PKHD1: variants seen among roughly 807,000 people sequenced by gnomAD.
PKHD1 encodes fibrocystin.
Under a neutral mutation model 412.0 loss-of-function variants are expected in PKHD1, and 291 were observed. The observed-to-expected ratio is 0.71, with a 90% CI of 0.64 to 0.78. The LOEUF (loss-of-function observed/expected upper bound fraction) is 0.78, where lower values mean the gene tolerates loss of function less well. PKHD1 is among the 30% of genes least tolerant of loss of function. The probability of loss-of-function intolerance (pLI) is 0.00; values close to 1 mark genes in which losing one functional copy is unlikely to be tolerated. For missense variants in PKHD1, 4,825 were observed against 4,950.7 expected, an observed-to-expected ratio of 0.97 and a Z score of 0.76; for synonymous variants, 1,777 against 1,821.5, an observed-to-expected ratio of 0.98 and a Z score of 0.62.
intron 60 of PKHD1, among the ~76,000 whole-genome samples, chr6:51,707,377 G>T (rs546228694): frequency 6.6e-6 from 1 of 152,206 alleles, no homozygotes; most frequent in South Asian, 2.1e-4. Context: ...TCCCATACCA[G>T]GTGAACAGAG....
chr6:52,063,959 ACT>A (rs1470796904), intron 13 of PKHD1, among the ~76,000 whole-genome samples: 1 of 151,936 alleles, frequency 6.6e-6, no homozygotes, highest in Non-Finnish European at 1.5e-5. Context: ...AAGGGAGCAG[ACT>A]CTCTATTTCC....
intron 57 of PKHD1, among the ~76,000 whole-genome samples, chr6:51,749,859 T>C (rs1245350800): frequency 6.6e-6 from 1 of 152,218 alleles, no homozygotes; most frequent in Non-Finnish European, 1.5e-5. Context: ...AATAATTAGT[T>C]GTGTGTCCTT....
intron 27 of PKHD1, among the ~76,000 whole-genome samples, chr6:52,038,330 G>C (rs372069933): frequency 6.6e-6 from 1 of 150,566 alleles, no homozygotes; most frequent in African/African-American, 2.4e-5. Flanking sequence ...AGCTGAGATC[G>C]CACCACTGCA....
chr6:51,924,316 A>G (rs1000891336), intron 37 of PKHD1, among the ~76,000 whole-genome samples: 1 of 152,222 alleles, frequency 6.6e-6, no homozygotes, highest in African/African-American at 2.4e-5. Context: ...CACATTAACC[A>G]TTTAGTAACC....
rs564731075 is a variant in PKHD1, at chr6:51,948,342, G to A, written c.5908+11528C>T. On this transcript the variant is annotated intron_variant, in intron 36 of 66. Transcript: ENST00000371117. ...AACCTTACAGCGTTGGTTCTCTCTG[G>A]CCCCATCTGCCTCTGCTCTCCCCCT... Among the ~76,000 whole-genome samples, 109 of 151,988 alleles carry A rather than the reference G, an allele frequency of 7.2e-4. 5 individuals carry two copies. In the South Asian group the frequency reaches 0.022, roughly 31 times the overall value.
At chr6:51,678,820 T>TTTTA (rs748393690) in intron 60 of PKHD1, among the ~76,000 whole-genome samples, 10 of 152,102 alleles carry the variant, frequency 6.6e-5, no homozygotes, top group South Asian at 2.1e-4. Context: ...TTAATGTTAA[T>TTTTA]TTTATTTATT....
intron 41 of PKHD1, among the ~76,000 whole-genome samples, chr6:51,904,790 T>C (rs1781829279): frequency 6.6e-6 from 1 of 152,210 alleles, no homozygotes; most frequent in Admixed American, 6.5e-5. Flanking sequence ...TTCCACATAA[T>C]TGTTTTCTGC....
chr6:51,888,803 C>T (rs183055537), intron 43 of PKHD1, among the ~76,000 whole-genome samples: 137 of 149,186 alleles, frequency 9.2e-4, no homozygotes, highest in African/African-American at 3.3e-3. Flanking sequence ...CAGTGTCACA[C>T]GCTCACATCT....
intron 52 of PKHD1, among the ~76,000 whole-genome samples, chr6:51,826,515 G>A (rs114411116): frequency 0.024 from 3,628 of 152,250 alleles, 94 homozygotes; most frequent in South Asian, 0.061. Context: ...AAGCTAGAGG[G>A]ATCTTTTGCC....
At chr6:51,691,360 A>C (rs1234960477) in intron 60 of PKHD1, among the ~76,000 whole-genome samples, 1 of 152,124 alleles carries the variant, frequency 6.6e-6, no homozygotes, top group Non-Finnish European at 1.5e-5. Context: ...GCATGAATAT[A>C]TTTGTTGCAG....
At chr6:51,941,303 C>G (rs868441295) in intron 36 of PKHD1, among the ~76,000 whole-genome samples, 3 of 120,462 alleles carry the variant, frequency 2.5e-5, no homozygotes, top group African/African-American at 9.3e-5. Context: ...GGCCGGACTG[C>G]GGACTGCAGT....
At position 52,035,645 on chromosome 6, in the gene PKHD1, G is replaced by A. The variant is rs773742186; in HGVS notation, c.3174C>T (p.Ala1058=). The A allele has an allele frequency of 1.2e-6, 2 of 1,613,894 alleles. No individual in the cohort carries two copies. The highest frequency in any genetic ancestry group is 1.7e-6 in the Non-Finnish European group (2 of 1,179,868). The change falls in exon 28 of 67, where the codon GCC becomes GCT. Residue 1058 remains alanine (A), a synonymous_variant. Coordinates refer to ENST00000371117, the MANE Select transcript of PKHD1 (RefSeq NM_138694.4). ...TTGAATTGCTTGTAGCGACATTGAT[G>A]GCACACGAGTAAGATCCAAATAATA... is the stretch of plus-strand genomic sequence containing the variant. ...SLILFGSYSC[A]INVATSNSSR...
At chr6:51,833,083 C>G (rs1768554142) in intron 51 of PKHD1, among the ~76,000 whole-genome samples, 2 of 152,132 alleles carry the variant, frequency 1.3e-5, no homozygotes, top group African/African-American at 4.8e-5. Flanking sequence ...GGGTATTTGT[C>G]AGGGTGACCC....
intron 66 of PKHD1, among the ~76,000 whole-genome samples, chr6:51,624,818 T>A (rs1324570861): frequency 2.0e-5 from 3 of 152,298 alleles, no homozygotes; most frequent in African/African-American, 7.2e-5. Context: ...ATTAGTTCTC[T>A]TACTTGAGGC....
intron 63 of PKHD1, among the ~76,000 whole-genome samples, chr6:51,643,977 A>C (rs1769734963): frequency 6.6e-6 from 1 of 152,162 alleles, no homozygotes; most frequent in Non-Finnish European, 1.5e-5. Flanking sequence ...TCAAAATAGT[A>C]GAAAGTCAAA....
At chr6:51,848,107 C>G (rs550885390) in intron 49 of PKHD1, 137 bp from the exon 50 acceptor site, 5 of 679,956 alleles carry the variant, frequency 7.4e-6, no homozygotes, top group African/African-American at 1.8e-5. Context: ...AATTTAGACC[C>G]AGATTGTACT....
intron 36 of PKHD1, among the ~76,000 whole-genome samples, chr6:51,947,732 C>T (rs1789683851): frequency 6.6e-6 from 1 of 152,078 alleles, no homozygotes; most frequent in Non-Finnish European, 1.5e-5. Flanking sequence ...GCCAGTTGTC[C>T]CATCTTGTCT....
chr6:51,852,838 C>T (rs1396258428), intron 49 of PKHD1, among the ~76,000 whole-genome samples: 2 of 151,912 alleles, frequency 1.3e-5, no homozygotes, highest in African/African-American at 4.8e-5. Flanking sequence ...ATACAGCACA[C>T]TGATGGGTGC....
At chr6:51,916,091 C>A (rs752116962) in intron 37 of PKHD1, among the ~76,000 whole-genome samples, 5 of 152,090 alleles carry the variant, frequency 3.3e-5, no homozygotes, top group Non-Finnish European at 5.9e-5. Context: ...TTCTCTCCAC[C>A]TTACAGGTGG....
Sources: gnomAD v4.1 joint callset for allele counts (sites outside exome capture counted in the v4.1 genomes callset) on GRCh38, gnomAD v4.1.1 for gene constraint, MANE v1.5 for transcripts, NCBI Gene and HGNC (gene_info 2026-07-23, HGNC 2026-07-21) for gene names.